Variants in TGFA observed in about 807,000 individuals in gnomAD.
TGFA encodes transforming growth factor alpha, also known as protransforming growth factor alpha.
Under a neutral mutation model 21.7 loss-of-function variants are expected in TGFA, and 12 were observed. That is an observed-to-expected ratio of 0.55 (90% confidence interval 0.35 to 0.90). The LOEUF is 0.90. Among genes scored for constraint, TGFA ranks in the 40% least tolerant of loss-of-function variants. The pLI is 0.01. For synonymous variants in TGFA, 79 were observed against 88.1 expected (o/e 0.90, Z 0.58); for missense variants, 178 against 210.8 (o/e 0.84, Z 0.96).
chr2:70,520,257 A>C (rs1672406382), intron 1 of TGFA, among the ~76,000 whole-genome samples: 1 of 152,070 alleles, frequency 6.6e-6, no homozygotes, highest in African/African-American at 2.4e-5. Context: ...GCCCAGCTGC[A>C]GGCTACTGAT....
chr2:70,469,214 G>T (rs2103710660), intron 2 of TGFA, among the ~76,000 whole-genome samples: 1 of 152,246 alleles, frequency 6.6e-6, no homozygotes, highest in Admixed American at 6.5e-5. Flanking sequence ...AGGATCTCTG[G>T]GGTGAGGCCC....
At chr2:70,530,097 T>C (rs550114762) in intron 1 of TGFA, among the ~76,000 whole-genome samples, 14 of 152,188 alleles carry the variant, frequency 9.2e-5, no homozygotes, top group Non-Finnish European at 1.8e-4. Context: ...TGCAAGAACC[T>C]TTCCTGACCA....
intron 2 of TGFA, among the ~76,000 whole-genome samples, chr2:70,474,969 C>CGTGTGTGTGT (rs57147767): frequency 0.013 from 1,969 of 147,660 alleles, 42 homozygotes; most frequent in African/African-American, 0.042. Context: ...ACACAGCAGC[C>CGTGTGTGTGT]GTGTGTGTGT....
intron 1 of TGFA, among the ~76,000 whole-genome samples, chr2:70,551,517 A>C (rs144542810): frequency 6.6e-6 from 1 of 152,188 alleles, no homozygotes; most frequent in Non-Finnish European, 1.5e-5. Flanking sequence ...ACACTGGTTG[A>C]TTCTCCTGGA....
At chr2:70,463,787 C>A (rs1670471373) in intron 3 of TGFA, among the ~76,000 whole-genome samples, 1 of 152,142 alleles carries the variant, frequency 6.6e-6, no homozygotes, top group Non-Finnish European at 1.5e-5. Flanking sequence ...GTCAAGAGGG[C>A]AAACTTCCTT....
chr2:70,480,196 C>G (rs782189979), intron 2 of TGFA, among the ~76,000 whole-genome samples: 1 of 152,232 alleles, frequency 6.6e-6, no homozygotes, highest in African/African-American at 2.4e-5. Context: ...TCCAGACATT[C>G]ATGCCATGCC....
At chr2:70,535,627 A>T (rs970542843) in intron 1 of TGFA, among the ~76,000 whole-genome samples, 2 of 152,242 alleles carry the variant, frequency 1.3e-5, no homozygotes, top group African/African-American at 4.8e-5. Flanking sequence ...GATATTCCAC[A>T]TGCCTCTGCT....
chr2:70,520,660 A>G (rs1177794235), intron 1 of TGFA, among the ~76,000 whole-genome samples: 1 of 152,114 alleles, frequency 6.6e-6, no homozygotes, highest in Non-Finnish European at 1.5e-5. Flanking sequence ...GACAGCAACT[A>G]CCCGAGAAAA....
At chr2:70,509,280 G>A (rs559475941) in intron 2 of TGFA, among the ~76,000 whole-genome samples, 1 of 152,202 alleles carries the variant, frequency 6.6e-6, no homozygotes, top group Non-Finnish European at 1.5e-5. Context: ...AAAAGCTTTT[G>A]TTAGGCGAGA....
chr2:70,496,699 GTTCC>G (rs782003354), intron 2 of TGFA, among the ~76,000 whole-genome samples: 3 of 152,260 alleles, frequency 2.0e-5, no homozygotes, highest in East Asian at 3.9e-4. Context: ...GGTGCATAGT[GTTCC>G]TTCCTTCTTT....
chr2:70,521,739 C>T (rs146236214), intron 1 of TGFA, among the ~76,000 whole-genome samples: 2,396 of 151,390 alleles, frequency 0.016, 65 homozygotes, highest in African/African-American at 0.055. Context: ...CTCCGCCTCC[C>T]GAGTAGCTGG....
intron 3 of TGFA, among the ~76,000 whole-genome samples, chr2:70,465,317 A>G (rs1670521151): frequency 1.3e-5 from 2 of 152,108 alleles, no homozygotes; most frequent in South Asian, 4.1e-4. Context: ...GAATCCAAGA[A>G]TTTTCAGACT....
intron 1 of TGFA, among the ~76,000 whole-genome samples, chr2:70,529,361 T>G (rs1332667477): frequency 1.3e-5 from 2 of 152,342 alleles, no homozygotes; most frequent in Admixed American, 1.3e-4. Context: ...ATCTAGGTGA[T>G]TTCCATCTGG....
rs373867308 is a variant in TGFA, at chr2:70,450,832, C to T, written c.*27G>A. ...TTCTTTATTGATCTGCCACAGTCCA[C>T]CTGGCCAAACTCCTCCTCTGGGCTC... On this transcript the variant is annotated 3_prime_UTR_variant, in exon 6 of 6. Transcript: ENST00000295400. The T allele has an allele frequency of 7.5e-6, 12 of 1,608,644 alleles. No individual in the cohort carries two copies. Among genetic ancestry groups the T allele is most frequent in the Non-Finnish European group, 8.5e-6 (10 of 1,177,326 alleles).
intron 2 of TGFA, among the ~76,000 whole-genome samples, chr2:70,503,726 C>G (rs886905916): frequency 7.2e-5 from 11 of 152,084 alleles, no homozygotes; most frequent in Non-Finnish European, 1.3e-4. Context: ...TTTCATCAAG[C>G]CAAATTTAAA....
At position 70,473,804 on chromosome 2, in the gene TGFA, G is replaced by T. The variant is rs143977793; in HGVS notation, c.95-8068C>A. 7.8e-3 allele frequency among the ~76,000 whole-genome samples: 1,191 copies of T among 152,196 alleles called. 15 individuals are homozygous for T. The highest frequency in any genetic ancestry group is 0.028 in the African/African-American group (1,142 of 41,506). On this transcript the variant is annotated intron_variant, in intron 2 of 5. Transcript: ENST00000295400. ...ACCATTTGAAAACAGAGTTTAGCCT[G>T]CAGTACCATCATTTAAGAGGGAAGG...
At chr2:70,538,305 G>C (rs1367288357) in intron 1 of TGFA, among the ~76,000 whole-genome samples, 2 of 152,134 alleles carry the variant, frequency 1.3e-5, no homozygotes, top group African/African-American at 2.4e-5. Context: ...ACCACTATGC[G>C]GCCCATGCTC....
chr2:70,521,885 T>C (rs1446177685), intron 1 of TGFA, among the ~76,000 whole-genome samples: 1 of 152,086 alleles, frequency 6.6e-6, no homozygotes, highest in Non-Finnish European at 1.5e-5. Context: ...AGTGCTGGGA[T>C]TACAGGCGCA....
chr2:70,502,961 G>A (rs1671781682), intron 2 of TGFA, among the ~76,000 whole-genome samples: 1 of 152,118 alleles, frequency 6.6e-6, no homozygotes, highest in Admixed American at 6.5e-5. Context: ...GGGGGACGGA[G>A]GCACAGAGTG....
Sources: allele counts gnomAD v4.1 joint callset (sites outside exome capture counted in the v4.1 genomes callset), GRCh38; gene constraint gnomAD v4.1.1; transcripts MANE v1.5; gene names NCBI Gene and HGNC (gene_info 2026-07-23, HGNC 2026-07-21).